Variants in SLC7A1 observed in about 807,000 individuals in gnomAD.
SLC7A1 encodes the protein high affinity cationic amino acid transporter 1.
In SLC7A1, 10 loss-of-function variants were observed where a neutral mutation model predicts 53.9. The ratio of observed to expected loss-of-function variants is 0.19; its 90% CI spans 0.11 to 0.31. SLC7A1 has a LOEUF of 0.31. Ranked by LOEUF, SLC7A1 falls within the 10% of genes least tolerant of loss-of-function variation. SLC7A1 has a pLI of 1.00. For missense variants in SLC7A1, 525 were observed against 827.2 expected, an observed-to-expected ratio of 0.63 and a Z score of 4.48; for synonymous variants, 342 against 338.7, an observed-to-expected ratio of 1.01 and a Z score of -0.11.
At chr13:29,562,056 C>T (rs900463150) in intron 1 of SLC7A1, among the ~76,000 whole-genome samples, 1 of 152,212 alleles carries the variant, frequency 6.6e-6, no homozygotes, top group Non-Finnish European at 1.5e-5. Context: ...TCAAGTATCA[C>T]GTTCCCCTGC....
At chr13:29,527,516 C>A (rs754927676) in intron 5 of SLC7A1, among the ~76,000 whole-genome samples, 1 of 152,198 alleles carries the variant, frequency 6.6e-6, no homozygotes, top group Admixed American at 6.5e-5. Flanking sequence ...CTTTTACATG[C>A]GTGTGGCAGT....
chr13:29,582,087 A>G (rs1472084866), intron 1 of SLC7A1, among the ~76,000 whole-genome samples: 1 of 152,248 alleles, frequency 6.6e-6, no homozygotes, highest in African/African-American at 2.4e-5. Context: ...GGGGAACTGT[A>G]AGTTTCTCCA....
At chr13:29,565,017 G>A (rs1314211350) in intron 1 of SLC7A1, among the ~76,000 whole-genome samples, 1 of 152,210 alleles carries the variant, frequency 6.6e-6, no homozygotes, top group Non-Finnish European at 1.5e-5. Context: ...CAGCCAGGGG[G>A]AGCTGCTATT....
In SLC7A1 at chr13:29,589,780, T is replaced by C. The variant is rs537968975; in HGVS notation, c.-115+5636A>G. Among the ~76,000 whole-genome samples the C allele has an allele frequency of 4.7e-3, 709 of 151,984 alleles. 7 individuals carry two copies. Among genetic ancestry groups the C allele is most frequent in the African/African-American group, 0.016 (654 of 41,438 alleles). On this transcript the variant is annotated intron_variant, in intron 1 of 12. Transcript: ENST00000380752. ...AGGCCTATCCCGAGACAGGCTGGAG[T>C]CCAGGTACAGGCAGACATCTGGGTT...
At chr13:29,572,763 C>T (rs1394017475) in intron 1 of SLC7A1, among the ~76,000 whole-genome samples, 1 of 152,168 alleles carries the variant, frequency 6.6e-6, no homozygotes, top group Non-Finnish European at 1.5e-5. Flanking sequence ...TACAGTTGAC[C>T]AGCACTGGGC....
chr13:29,594,205 T>C (rs1046490738), intron 1 of SLC7A1, among the ~76,000 whole-genome samples: 3 of 152,238 alleles, frequency 2.0e-5, no homozygotes, highest in Non-Finnish European at 2.9e-5. Flanking sequence ...TAAATACAAT[T>C]AGGGCATTCG....
At chr13:29,532,762 A>C (rs9579388) in intron 4 of SLC7A1, 62 bp downstream of exon 4, 121,149 of 1,419,278 alleles carry the variant, frequency 0.085, 5,726 homozygotes, top group Middle Eastern at 0.13. Flanking sequence ...ACTTAACAGG[A>C]GCCTCTCACC....
chr13:29,533,714 G>A (rs1412347353), intron 3 of SLC7A1, among the ~76,000 whole-genome samples: 1 of 152,140 alleles, frequency 6.6e-6, no homozygotes, highest in Non-Finnish European at 1.5e-5. Context: ...CACCAACAGG[G>A]CAGCACTCAA....
intron 1 of SLC7A1, among the ~76,000 whole-genome samples, chr13:29,554,642 TTTAA>T (rs1197996623): frequency 6.6e-6 from 1 of 152,070 alleles, no homozygotes; most frequent in African/African-American, 2.4e-5. Context: ...GCTGAAGAGG[TTTAA>T]TTAAGCTGTC....
At chr13:29,545,804 A>C (rs1869895213) in intron 2 of SLC7A1, among the ~76,000 whole-genome samples, 1 of 152,170 alleles carries the variant, frequency 6.6e-6, no homozygotes, top group Non-Finnish European at 1.5e-5. Context: ...CTGTTTACTC[A>C]AATCAAAGAT....
At chr13:29,569,546 G>A (rs921154131) in intron 1 of SLC7A1, among the ~76,000 whole-genome samples, 1 of 152,154 alleles carries the variant, frequency 6.6e-6, no homozygotes, top group East Asian at 1.9e-4. Context: ...TGAGGCGGGG[G>A]CTGCAATAAT....
Position 29,563,699 on chromosome 13 carries a change from C to T in SLC7A1, c.-114-9839G>A, listed in dbSNP as rs74940396. On this transcript the variant is annotated intron_variant, in intron 1 of 12. Transcript: ENST00000380752. ...GGAGAAGATGGGCAGCTTGAAGAGA[C>T]GGGACTGCCAGCACTACCCTGTGCT... is the stretch of plus-strand genomic sequence containing the variant. Among the ~76,000 whole-genome samples the T allele has an allele frequency of 1.1e-3, 171 of 152,292 alleles. 3 individuals carry two copies. In the East Asian group the frequency reaches 0.017, roughly 15 times the overall value.
At chr13:29,528,969 G>GC (rs1869024514) in intron 5 of SLC7A1, among the ~76,000 whole-genome samples, 1 of 152,212 alleles carries the variant, frequency 6.6e-6, no homozygotes, top group South Asian at 2.1e-4. Flanking sequence ...CAGTTAACAA[G>GC]AGGTGCCCTA....
At chr13:29,515,160 T>C (rs188558971) in intron 12 of SLC7A1, among the ~76,000 whole-genome samples, 1 of 152,332 alleles carries the variant, frequency 6.6e-6, no homozygotes, top group Non-Finnish European at 1.5e-5. Flanking sequence ...GGCCACCTTG[T>C]GTGGCTGACA....
chr13:29,588,076 C>A (rs1871961121), intron 1 of SLC7A1, among the ~76,000 whole-genome samples: 1 of 152,174 alleles, frequency 6.6e-6, no homozygotes, highest in Admixed American at 6.5e-5. Flanking sequence ...AACACTTTTT[C>A]TTAAAAAGGC....
intron 1 of SLC7A1, among the ~76,000 whole-genome samples, chr13:29,593,281 G>A (rs988200306): frequency 2.0e-5 from 3 of 152,166 alleles, no homozygotes; most frequent in South Asian, 2.1e-4. Context: ...TGAATCCACC[G>A]GCCAATCCTA....
In SLC7A1 at chr13:29,509,854, T is replaced by C. The variant is rs1438720745; in HGVS notation, c.*4626A>G. On this transcript the variant is annotated 3_prime_UTR_variant, in exon 13 of 13. Transcript: ENST00000380752. Reference sequence around the variant, plus strand: ...AGGTTTGATAATAAACCAACCCTCATTGGTATCATTACCCTTAGTGCTCCT... The same window carrying C: ...AGGTTTGATAATAAACCAACCCTCACTGGTATCATTACCCTTAGTGCTCCT... The C allele has an allele frequency of 2.0e-5, 3 of 152,602 alleles. No homozygotes were observed. Among genetic ancestry groups the C allele is most frequent in the Admixed American group, 6.5e-5 (1 of 15,278 alleles). 9.5% of individuals were successfully genotyped at this position (152,602 alleles called of 1,614,324 possible). A position where few individuals can be genotyped will look rare whatever the true frequency, so the allele number is the denominator to read the frequency against.
At chr13:29,584,179 T>A (rs918686894) in intron 1 of SLC7A1, among the ~76,000 whole-genome samples, 1 of 151,752 alleles carries the variant, frequency 6.6e-6, no homozygotes, top group Admixed American at 6.6e-5. Flanking sequence ...AATGGCACGA[T>A]CTCGTCTCAC....
chr13:29,547,910 A>T (rs1869993650), intron 2 of SLC7A1, among the ~76,000 whole-genome samples: 1 of 152,224 alleles, frequency 6.6e-6, no homozygotes, highest in African/African-American at 2.4e-5. Context: ...TGCACCAAGT[A>T]CCCTACTCCA....
Sources: gnomAD v4.1 joint callset for allele counts (sites outside exome capture counted in the v4.1 genomes callset) on GRCh38, gnomAD v4.1.1 for gene constraint, MANE v1.5 for transcripts, NCBI Gene and HGNC (gene_info 2026-07-23, HGNC 2026-07-21) for gene names.